Variants in EPC1 observed in about 807,000 individuals in gnomAD.
The protein encoded by EPC1 is enhancer of polycomb 1.
Under a neutral mutation model 98.4 loss-of-function variants are expected in EPC1, and 12 were observed. The ratio of observed to expected loss-of-function variants is 0.12; its 90% confidence interval spans 0.08 to 0.20. EPC1 has a LOEUF of 0.20. Ranked by LOEUF, EPC1 falls within the 10% of genes least tolerant of loss-of-function variation. EPC1 has a pLI of 1.00. For missense variants in EPC1, 729 were observed against 990.5 expected, an observed-to-expected ratio of 0.74 and a Z score of 3.54; for synonymous variants, 357 against 363.9, an observed-to-expected ratio of 0.98 and a Z score of 0.21.
chr10:32,346,228 T>C (rs985805711), intron 1 of EPC1, among the ~76,000 whole-genome samples: 2 of 152,240 alleles, frequency 1.3e-5, no homozygotes, highest in Non-Finnish European at 2.9e-5. Context: ...GGGGCTGCAC[T>C]GAGCCCAACA....
chr10:32,342,337 GATTTAA>G (rs1592620313), intron 1 of EPC1, among the ~76,000 whole-genome samples: 1 of 151,876 alleles, frequency 6.6e-6, no homozygotes, highest in Non-Finnish European at 1.5e-5. Context: ...CTTTCAAAGT[GATTTAA>G]ATTTAAACTA....
upstream of EPC1, among the ~76,000 whole-genome samples, chr10:32,348,179 G>C (rs924085272): frequency 6.6e-6 from 1 of 152,182 alleles, no homozygotes; most frequent in African/African-American, 2.4e-5. Context: ...CAAACAAAAA[G>C]CTGAATTATT....
intron 2 of EPC1, among the ~76,000 whole-genome samples, chr10:32,295,796 G>A (rs1458731502): frequency 1.3e-5 from 2 of 152,076 alleles, no homozygotes; most frequent in Non-Finnish European, 2.9e-5. Flanking sequence ...AGCTATATGT[G>A]GCTAGTGTTG....
chr10:32,348,048 C>A (rs74128086), upstream of EPC1, among the ~76,000 whole-genome samples: 3,039 of 152,234 alleles, frequency 0.02, 106 homozygotes, highest in African/African-American at 0.07. Context: ...TTATATCTAG[C>A]TCATGATTCT....
At chr10:32,362,675 T>C (rs1244336041) in intron 1 of EPC1, among the ~76,000 whole-genome samples, 2 of 152,180 alleles carry the variant, frequency 1.3e-5, no homozygotes, top group East Asian at 3.8e-4. Flanking sequence ...AACAAACTAA[T>C]ACAGTATGCC....
intron 1 of EPC1, among the ~76,000 whole-genome samples, chr10:32,308,847 G>C (rs1310874881): frequency 6.6e-6 from 1 of 152,140 alleles, no homozygotes; most frequent in Non-Finnish European, 1.5e-5. Flanking sequence ...GTTTACTGCA[G>C]TACTTTTCAC....
intron 1 of EPC1, among the ~76,000 whole-genome samples, chr10:32,354,263 C>T (rs1384875113): frequency 6.6e-6 from 1 of 151,854 alleles, no homozygotes; most frequent in African/African-American, 2.4e-5. Context: ...TTAACAACAA[C>T]AACAAAAAAG....
intron 1 of EPC1, among the ~76,000 whole-genome samples, chr10:32,354,486 A>C (rs1839214520): frequency 1.3e-5 from 2 of 152,074 alleles, no homozygotes; most frequent in South Asian, 4.1e-4. Flanking sequence ...GATTTAAACA[A>C]ATGGGACTAT....
chr10:32,330,663 T>C (rs986556427), intron 1 of EPC1, among the ~76,000 whole-genome samples: 1 of 152,184 alleles, frequency 6.6e-6, no homozygotes, highest in African/African-American at 2.4e-5. Context: ...TTTATTCAAA[T>C]TTAAGATTCC....
At chr10:32,306,702 T>C (rs929536761) in intron 1 of EPC1, among the ~76,000 whole-genome samples, 5 of 152,212 alleles carry the variant, frequency 3.3e-5, no homozygotes, top group Non-Finnish European at 7.4e-5. Flanking sequence ...TTTAGTATAA[T>C]GCCTGACATA....
chr10:32,296,646 A>G (rs1449263785), intron 2 of EPC1, among the ~76,000 whole-genome samples: 1 of 152,208 alleles, frequency 6.6e-6, no homozygotes, highest in Non-Finnish European at 1.5e-5. Flanking sequence ...GTAGTGGCTC[A>G]CGCCTGTAAT....
At chr10:32,309,447 C>A (rs1019746043) in intron 1 of EPC1, among the ~76,000 whole-genome samples, 3 of 150,522 alleles carry the variant, frequency 2.0e-5, no homozygotes, top group Admixed American at 6.6e-5. Flanking sequence ...AAAAAATTAT[C>A]TATATTTTAA....
intron 1 of EPC1, among the ~76,000 whole-genome samples, chr10:32,311,767 GAACA>G (rs1249674862): frequency 1.3e-5 from 2 of 152,004 alleles, no homozygotes; most frequent in Non-Finnish European, 2.9e-5. Context: ...AACAATAATA[GAACA>G]AATATAACAA....
At chr10:32,321,960 A>C (rs2132912339) in intron 1 of EPC1, among the ~76,000 whole-genome samples, 1 of 151,634 alleles carries the variant, frequency 6.6e-6, no homozygotes, top group East Asian at 1.9e-4. Context: ...TGCTACAACC[A>C]GTCCACCTAA....
chr10:32,358,314 C>T (rs918981593), intron 1 of EPC1, among the ~76,000 whole-genome samples: 3 of 152,100 alleles, frequency 2.0e-5, no homozygotes, highest in Non-Finnish European at 2.9e-5. Flanking sequence ...ATAAAGAACA[C>T]GTATAATCTG....
intron 1 of EPC1, 72 bp from the exon 2 acceptor site, chr10:32,306,003 G>GT (rs1175469230): frequency 9.6e-6 from 13 of 1,347,822 alleles, no homozygotes; most frequent in Middle Eastern, 3.8e-4. Flanking sequence ...AGCCAAAAAG[G>GT]TTTTTTTGGC....
chr10:32,339,625 A>G (rs1468080735), intron 1 of EPC1, among the ~76,000 whole-genome samples: 1 of 152,192 alleles, frequency 6.6e-6, no homozygotes, highest in East Asian at 1.9e-4. Context: ...AAGGACACAA[A>G]ATACATCTAA....
chr10:32,284,408 G>T, intron 10 of EPC1: 1 of 259,190 alleles, frequency 3.9e-6, no homozygotes, highest in Non-Finnish European at 7.3e-6. Flanking sequence ...TCATATTATT[G>T]AAAAATATGA....
intron 1 of EPC1, among the ~76,000 whole-genome samples, chr10:32,325,786 GT>G (rs111699361): frequency 1.3e-5 from 2 of 149,388 alleles, no homozygotes; most frequent in Admixed American, 6.7e-5. Flanking sequence ...GTTTTTTGGT[GT>G]TTTTTTTTTA....
Sources: gnomAD v4.1 joint callset for allele counts (sites outside exome capture counted in the v4.1 genomes callset) on GRCh38, gnomAD v4.1.1 for gene constraint, MANE v1.5 for transcripts, NCBI Gene and HGNC (gene_info 2026-07-23, HGNC 2026-07-21) for gene names.